Variants in VPS13B observed in about 807,000 individuals in gnomAD.
VPS13B encodes intermembrane lipid transfer protein VPS13B.
Under a neutral mutation model 426.4 loss-of-function variants are expected in VPS13B, and 285 were observed. The ratio of observed to expected loss-of-function variants is 0.67; its 90% CI spans 0.61 to 0.74. The LOEUF (loss-of-function observed/expected upper bound fraction) is 0.74, where lower values mean the gene tolerates loss of function less well. Among genes scored for constraint, VPS13B ranks in the 30% least tolerant of loss-of-function variants. The probability of loss-of-function intolerance (pLI) is 0.00; values close to 1 mark genes in which losing one functional copy is unlikely to be tolerated. For missense variants in VPS13B, 4,537 were observed against 4,782.6 expected (o/e 0.95, Z 1.51); for synonymous variants, 1,676 against 1,676.4 (o/e 1.00, Z 0.01).
intron 19 of VPS13B, among the ~76,000 whole-genome samples, chr8:99,316,748 A>T (rs1809681929): frequency 2.0e-5 from 3 of 151,970 alleles, no homozygotes; most frequent in South Asian, 2.1e-4. Context: ...TTGAAGAGTG[A>T]TTATTTACTC....
chr8:99,317,436 TATA>T (rs1397268238), intron 19 of VPS13B, among the ~76,000 whole-genome samples: 1 of 152,188 alleles, frequency 6.6e-6, no homozygotes, highest in Non-Finnish European at 1.5e-5. Context: ...ACAAGGAATT[TATA>T]ATAATACTAT....
At chr8:99,252,951 TCCCCAGAAGAAAC>T (rs1412130929) in intron 17 of VPS13B, among the ~76,000 whole-genome samples, 1 of 152,096 alleles carries the variant, frequency 6.6e-6, no homozygotes, top group Non-Finnish European at 1.5e-5. Flanking sequence ...CATTTTTATC[TCCCCAGAAGAAAC>T]CCCATACCAA....
chr8:99,675,139 T>A (rs1353780483), intron 35 of VPS13B, among the ~76,000 whole-genome samples: 1 of 152,128 alleles, frequency 6.6e-6, no homozygotes, highest in Non-Finnish European at 1.5e-5. Flanking sequence ...ATTAACTCCC[T>A]CAGCTTTTGT....
At chr8:99,773,302 A>G (rs1487947087) in intron 40 of VPS13B, among the ~76,000 whole-genome samples, 1 of 152,186 alleles carries the variant, frequency 6.6e-6, no homozygotes, top group Non-Finnish European at 1.5e-5. Context: ...TAATCTCACA[A>G]TCATGGCGGA....
chr8:99,706,796 T>G (rs1832516917), intron 36 of VPS13B, among the ~76,000 whole-genome samples: 1 of 152,126 alleles, frequency 6.6e-6, no homozygotes, highest in Non-Finnish European at 1.5e-5. Flanking sequence ...TAGTATTAAG[T>G]AAAATGGACA....
rs185246192 is a variant in VPS13B, at chr8:99,831,006, G to C, written c.9331-1363G>C. Among the ~76,000 whole-genome samples the C allele has an allele frequency of 2.3e-3, 356 of 151,720 alleles. 3 individuals carry two copies. Among genetic ancestry groups the C allele is most frequent in the African/African-American group, 8.3e-3 (341 of 41,330 alleles). On this transcript the variant is annotated intron_variant, in intron 51 of 61. Transcript: ENST00000357162. ...GCAGAAACCATCCACCTTCTGTGTT[G>C]GTCTCGCTGGGAGCTGCAGAACGGA...
At chr8:99,062,802 G>T (rs1251016514) in intron 3 of VPS13B, among the ~76,000 whole-genome samples, 1 of 152,130 alleles carries the variant, frequency 6.6e-6, no homozygotes, top group Non-Finnish European at 1.5e-5. Flanking sequence ...TAATACATAA[G>T]AATACATTAT....
intron 17 of VPS13B, among the ~76,000 whole-genome samples, chr8:99,240,035 C>T (rs376102404): frequency 6.6e-6 from 1 of 152,034 alleles, no homozygotes. Flanking sequence ...GTGTGAACCC[C>T]CTGATGCCAG....
At chr8:99,202,529 A>C (rs887704512) in intron 17 of VPS13B, among the ~76,000 whole-genome samples, 1 of 152,164 alleles carries the variant, frequency 6.6e-6, no homozygotes, top group Non-Finnish European at 1.5e-5. Context: ...ACCCAATAAC[A>C]ATTTCTGAAA....
intron 39 of VPS13B, among the ~76,000 whole-genome samples, chr8:99,764,844 C>G (rs988289122): frequency 3.9e-5 from 6 of 152,136 alleles, no homozygotes; most frequent in Admixed American, 6.5e-5. Flanking sequence ...AAACACAGTA[C>G]TGAAGTACAT....
At chr8:99,647,676 A>T (rs1047682293) in intron 34 of VPS13B, among the ~76,000 whole-genome samples, 2 of 152,112 alleles carry the variant, frequency 1.3e-5, no homozygotes, top group African/African-American at 4.8e-5. Context: ...TTTAACTAAT[A>T]ATTTATTTAT....
At chr8:99,283,267 A>G (rs1384853690) in intron 19 of VPS13B, among the ~76,000 whole-genome samples, 2 of 152,212 alleles carry the variant, frequency 1.3e-5, no homozygotes, top group African/African-American at 2.4e-5. Context: ...GACAATTCAC[A>G]TTTGTGGTTT....
chr8:99,643,862 G>A (rs1191877298), intron 34 of VPS13B, among the ~76,000 whole-genome samples: 3 of 152,108 alleles, frequency 2.0e-5, no homozygotes, highest in Non-Finnish European at 2.9e-5. Flanking sequence ...GTACTTCAGG[G>A]GCAATGAAAA....
chr8:99,532,565 G>T (rs1822986776), intron 30 of VPS13B, among the ~76,000 whole-genome samples: 1 of 151,984 alleles, frequency 6.6e-6, no homozygotes, highest in Non-Finnish European at 1.5e-5. Context: ...AGTATATACA[G>T]AATTTGTTTT....
intron 22 of VPS13B, among the ~76,000 whole-genome samples, chr8:99,433,821 T>G (rs1817237722): frequency 6.6e-6 from 1 of 152,150 alleles, no homozygotes; most frequent in Non-Finnish European, 1.5e-5. Flanking sequence ...TTCTTTTTTG[T>G]TTTTGGACAG....
intron 19 of VPS13B, among the ~76,000 whole-genome samples, chr8:99,378,372 A>T (rs1453371845): frequency 6.6e-6 from 1 of 152,142 alleles, no homozygotes; most frequent in African/African-American, 2.4e-5. Context: ...CACATGCTTT[A>T]CAAACAATTT....
chr8:99,454,225 C>T (rs893611468), intron 23 of VPS13B, among the ~76,000 whole-genome samples: 2 of 152,080 alleles, frequency 1.3e-5, no homozygotes, highest in African/African-American at 4.8e-5. Context: ...CATTCTGTCA[C>T]CCAGGCTAGA....
intron 15 of VPS13B, among the ~76,000 whole-genome samples, chr8:99,167,562 A>G (rs972060986): frequency 1.3e-5 from 2 of 152,018 alleles, no homozygotes; most frequent in African/African-American, 4.8e-5. Flanking sequence ...GCAAATTCTA[A>G]TTTATGATAA....
intron 17 of VPS13B, among the ~76,000 whole-genome samples, chr8:99,223,070 C>T (rs1048639825): frequency 3.9e-5 from 6 of 152,112 alleles, no homozygotes; most frequent in African/African-American, 1.2e-4. Flanking sequence ...TCAAGTGATC[C>T]GCCTGTCTTG....
Sources: allele counts gnomAD v4.1 joint callset (sites outside exome capture counted in the v4.1 genomes callset), GRCh38; gene constraint gnomAD v4.1.1; transcripts MANE v1.5; gene names NCBI Gene and HGNC (gene_info 2026-07-23, HGNC 2026-07-21).